TNKS1BP1: variants seen among roughly 807,000 people sequenced by gnomAD.
TNKS1BP1 encodes CCR4-NOT transcription complex subunit 12.
TNKS1BP1 carries 48 observed loss-of-function variants against 141.1 expected under a neutral mutation model. The observed-to-expected ratio is 0.34, with a 90% CI of 0.27 to 0.43. The LOEUF is 0.43. Among genes scored for constraint, TNKS1BP1 ranks in the 20% least tolerant of loss-of-function variants. The probability of loss-of-function intolerance (pLI) is 1.00; values close to 1 mark genes in which losing one functional copy is unlikely to be tolerated. For missense variants in TNKS1BP1, 2,149 were observed against 2,226.0 expected (o/e 0.97, Z 0.70); for synonymous variants, 875 against 898.2 (o/e 0.97, Z 0.46).
chr11:57,322,793 AC>A (rs1364751963), intron 1 of TNKS1BP1, among the ~76,000 whole-genome samples: 3 of 152,064 alleles, frequency 2.0e-5, no homozygotes, highest in Non-Finnish European at 2.9e-5. Flanking sequence ...CTGGGGCTCC[AC>A]CTTCCACGAC....
Position 57,324,853 on chromosome 11 carries a change from G to A in TNKS1BP1, c.-79C>T, listed in dbSNP as rs1855944223. 2 of 987,410 alleles carry A rather than the reference G, an allele frequency of 2.0e-6. No homozygotes were observed. Among genetic ancestry groups the A allele is most frequent in the African/African-American group, 3.5e-5 (2 of 57,068 alleles). The allele number at this position is 987,410 out of a possible 1,614,324, so 61.2% of individuals were successfully genotyped here. On this transcript the variant is annotated 5_prime_UTR_variant, in exon 1 of 12. Transcript: ENST00000358252. ...CCGCGCACTCACGCGCTCGCCCGGG[G>A]TCCGGCTCCGCTCGGCTCGGGGCCC... is the stretch of plus-strand genomic sequence containing the variant.
intron 1 of TNKS1BP1, among the ~76,000 whole-genome samples, chr11:57,324,243 A>G (rs967264639): frequency 9.2e-5 from 14 of 152,196 alleles, no homozygotes; most frequent in African/African-American, 3.1e-4. Context: ...AAACTGCTGG[A>G]AAGAGGGAGG....
At chr11:57,305,120 G>T (rs1250203370) in intron 6 of TNKS1BP1, among the ~76,000 whole-genome samples, 1 of 152,130 alleles carries the variant, frequency 6.6e-6, no homozygotes, top group Non-Finnish European at 1.5e-5. Context: ...CCCGGCATGG[G>T]AGCAGGAAAG....
At chr11:57,323,746 TA>T (rs1266883508) in intron 1 of TNKS1BP1, among the ~76,000 whole-genome samples, 2 of 152,052 alleles carry the variant, frequency 1.3e-5, no homozygotes, top group African/African-American at 4.8e-5. Flanking sequence ...GGGCACATGA[TA>T]GAAAAAATAA....
Position 57,302,169 on chromosome 11 carries a change from T to G in TNKS1BP1, c.4739A>C (p.Lys1580Thr). ...AATGACCGGGGCCCGGTGCCCACGCTTGCGCCCCAAGTTGGCACGGCTCCG... is the reference window on the plus strand; with the variant it reads ...AATGACCGGGGCCCGGTGCCCACGCGTGCGCCCCAAGTTGGCACGGCTCCG... ...MYRSRANLGR[K>T]RGHRAPVIRP... Residue 1580 changes from lysine (K) to threonine (T), a missense_variant, in exon 8 of 12, where the codon AAG becomes ACG. Coordinates refer to ENST00000358252, the MANE Select transcript of TNKS1BP1 (RefSeq NM_033396.3). This position sits in a 1 kb window ranked among gnomAD's most constrained non-coding sequence, Gnocchi z 5.5. The G allele has an allele frequency of 6.2e-7, 1 of 1,613,298 alleles. No homozygotes were observed. Among genetic ancestry groups the G allele is most frequent in the Non-Finnish European group, 8.5e-7 (1 of 1,179,952 alleles).
At chr11:57,318,283 T>C (rs1351085530) in intron 3 of TNKS1BP1, among the ~76,000 whole-genome samples, 2 of 152,142 alleles carry the variant, frequency 1.3e-5, no homozygotes, top group African/African-American at 4.8e-5. Context: ...TCTTGAAGAA[T>C]TGCAGTGGGG....
In TNKS1BP1 at chr11:57,302,320, C is replaced by T. The variant is rs773877471; in HGVS notation, c.4684-96G>A. 144 of 1,538,840 alleles carry T rather than the reference C, an allele frequency of 9.4e-5. No individual in the cohort carries two copies. The highest frequency in any genetic ancestry group is 1.2e-4 in the Non-Finnish European group (140 of 1,141,020). The stretch of plus-strand genomic sequence containing the variant: ...CCAGGAGCTGGACCCCTCCTGCAGC[C>T]GGAGCTTCACGTTCACGTGACGCAC... On this transcript the variant is annotated intron_variant, in intron 7 of 11. Coordinates refer to ENST00000358252, the MANE Select transcript of TNKS1BP1 (RefSeq NM_033396.3). This position sits in a 1 kb window ranked among gnomAD's most constrained non-coding sequence, Gnocchi z 5.5.
At position 57,309,371 on chromosome 11, in the gene TNKS1BP1, A is replaced by G; in HGVS notation, c.3340T>C (p.Cys1114Arg). Residue 1114 changes from cysteine to arginine, a missense_variant, in exon 6 of 12, where the codon TGC becomes CGC. Transcript: ENST00000358252. The surrounding 1 kb of genome is among the most constrained non-coding windows in gnomAD (Gnocchi z 4.3). The part of the protein sequence containing the change: ...PGQQDWSRDF[C>R]IEASERSYQF... The stretch of plus-strand genomic sequence containing the variant: ...TAGCTCCTCTCACTGGCCTCGATGC[A>G]GAAGTCCCGGCTCCAGTCCTGCTGC... 1 of 1,614,186 alleles carries G rather than the reference A, an allele frequency of 6.2e-7. No individual in the cohort carries two copies. The highest frequency in any genetic ancestry group is 8.5e-7 in the Non-Finnish European group (1 of 1,180,026).
rs564705813 is a variant in TNKS1BP1 at position 57,313,335 on chromosome 11, G to A, written c.1353C>T (p.Pro451=). 39 of 1,612,840 alleles carry A rather than the reference G, an allele frequency of 2.4e-5. No homozygotes were observed. The Admixed American group carries it at 4.8e-4, about 20-fold the overall frequency. Residue 451 remains proline (P), a synonymous_variant, in exon 5 of 12, where the codon CCC becomes CCT. Coordinates refer to ENST00000358252, the MANE Select transcript of TNKS1BP1 (RefSeq NM_033396.3). The part of the protein sequence containing the change: ...EKLGGSLAAL[P]QGQGSQLALD... ...GGGCCAACTGGCTCCCCTGGCCTTG[G>A]GGCAGGGCAGCCAGCGAGCCCCCCA...
chr11:57,315,564 G>A (rs747707992), intron 4 of TNKS1BP1, among the ~76,000 whole-genome samples: 11 of 151,972 alleles, frequency 7.2e-5, no homozygotes, highest in South Asian at 2.1e-4. Flanking sequence ...ACCTCAAGCC[G>A]GCCCTAGAGC....
intron 4 of TNKS1BP1, among the ~76,000 whole-genome samples, chr11:57,315,817 C>T (rs867018697): frequency 8.5e-5 from 13 of 152,088 alleles, no homozygotes; most frequent in African/African-American, 3.1e-4. Context: ...GCCTCCCCTT[C>T]TGCTATCAGG....
chr11:57,319,482 T>G (rs1855848340), intron 3 of TNKS1BP1, among the ~76,000 whole-genome samples: 1 of 152,076 alleles, frequency 6.6e-6, no homozygotes, highest in African/African-American at 2.4e-5. Flanking sequence ...CTAAACTTCT[T>G]GGCCGGGCGT....
chr11:57,307,498 C>T (rs141920097), intron 6 of TNKS1BP1, among the ~76,000 whole-genome samples: 1 of 152,020 alleles, frequency 6.6e-6, no homozygotes, highest in African/African-American at 2.4e-5. Context: ...CCAAGACCAC[C>T]ATGATATGCT....
chr11:57,301,875 G>A lies in TNKS1BP1; in HGVS notation c.4903C>T (p.Arg1635Trp), dbSNP rs547464849. 2.1e-5 allele frequency: 34 copies of A among 1,614,032 alleles called. No individual in the cohort carries two copies. The highest frequency in any genetic ancestry group is 2.7e-5 in the African/African-American group (2 of 74,916). ...AGCCCCTTGGTGCCCAACGACATCC[G>A]TGTCCGGCGGCTCTGAGGTTCCTCC... Reference protein sequence around the residue: ...VVEEPQSRRTRMSLGTKGLKV... With the variant: ...VVEEPQSRRTWMSLGTKGLKV... Residue 1635 changes from arginine (R) to tryptophan (W), a missense_variant, in exon 9 of 12, where the codon CGG becomes TGG. Physicochemically the swap from Arg to Trp is moderately radical, Grantham distance 101. Transcript: ENST00000358252.
Position 57,310,086 on chromosome 11 carries a change from G to A in TNKS1BP1, c.2625C>T (p.Thr875=), listed in dbSNP as rs1203023604. 6.2e-7 allele frequency: 1 copy of A among 1,614,034 alleles called. No individual in the cohort carries two copies. Among genetic ancestry groups the A allele is most frequent in the African/African-American group, 1.3e-5 (1 of 74,906 alleles). The change falls in exon 6 of 12, where the codon ACC becomes ACT. Residue 875 remains threonine, a synonymous_variant. Coordinates refer to ENST00000358252, the MANE Select transcript of TNKS1BP1 (RefSeq NM_033396.3). ...CAAGGCTTACATCTCGACTACTGTA[G>A]GTACCCAGTGAATCTCTCTTTCCGA... ...QEFGKRDSLG[T]YSSRDVSLGD... is the part of the protein sequence containing the mutation.
chr11:57,312,906 C>T lies in TNKS1BP1; in HGVS notation c.1782G>A (p.Glu594=), dbSNP rs1276044905. The T allele has an allele frequency of 1.2e-6, 2 of 1,609,812 alleles. No homozygotes were observed. The highest frequency in any genetic ancestry group is 2.7e-5 in the African/African-American group (2 of 74,890). Residue 594 remains glutamate, a synonymous_variant, in exon 5 of 12, where the codon GAG becomes GAA. Coordinates refer to ENST00000358252, the MANE Select transcript of TNKS1BP1 (RefSeq NM_033396.3). ...QQAEERYESQ[E]PLAGQESPLP... ...GAGGGGACTCCTGTCCAGCCAAGGG[C>T]TCCTGCGACTCGTATCTCTCCTCTG...
At position 57,310,316 on chromosome 11, in the gene TNKS1BP1, C is replaced by T; in HGVS notation, c.2395G>A (p.Glu799Lys). ...TGGCTGCTGCTGGCCTCCATCTCCTCCTGGCCGATGCCACACCTGCTGGCC... is the reference window on the plus strand; with the variant it reads ...TGGCTGCTGCTGGCCTCCATCTCCTTCTGGCCGATGCCACACCTGCTGGCC... ...EWASRCGIGQ[E>K]EMEASSSQDQ... Residue 799 changes from glutamate (E) to lysine (K), a missense_variant, in exon 6 of 12, where the codon GAG becomes AAG. By Grantham distance (56) the Glu-to-Lys change is moderately conservative (BLOSUM62 1). Transcript: ENST00000358252. 6.2e-7 allele frequency: 1 copy of T among 1,614,046 alleles called. No homozygotes were observed. The highest frequency in any genetic ancestry group is 8.5e-7 in the Non-Finnish European group (1 of 1,180,042).
chr11:57,300,703 A>G, intron 10 of TNKS1BP1, 103 bp from the exon 11 acceptor site: 1 of 1,532,206 alleles, frequency 6.5e-7, no homozygotes, highest in South Asian at 1.1e-5. Flanking sequence ...CAGAAGAGGC[A>G]GTCTGGGGCC....
In TNKS1BP1 at chr11:57,313,901, A is replaced by G; in HGVS notation, c.799-12T>C. 1.3e-6 allele frequency: 2 copies of G among 1,489,594 alleles called. No homozygotes were observed. Among genetic ancestry groups the G allele is most frequent in the Non-Finnish European group, 1.8e-6 (2 of 1,122,756 alleles). The allele number at this position is 1,489,594 out of a possible 1,614,324, so 92.3% of individuals were successfully genotyped here. A position where few individuals can be genotyped will look rare whatever the true frequency, so the allele number is the denominator to read the frequency against. ...CAGGGCTTGGAAATCTGCAAGAGAA[A>G]GAAAGGTCAAGATCCGTCACTCACC... On this transcript the variant is annotated splice_polypyrimidine_tract_variant and intron_variant, in intron 4 of 11. Transcript: ENST00000358252.
Sources: gnomAD v4.1 joint callset for allele counts (sites outside exome capture counted in the v4.1 genomes callset) on GRCh38, gnomAD v4.1.1 for gene constraint, Gnocchi (gnomAD v3.1) non-coding constraint, MANE v1.5 for transcripts, NCBI Gene and HGNC (gene_info 2026-07-23, HGNC 2026-07-21) for gene names.